Variants in TEX14 observed in about 807,000 individuals in gnomAD.
TEX14 encodes the protein testis expressed 14, intercellular bridge forming factor.
In TEX14, 168 loss-of-function variants were observed where a neutral mutation model predicts 178.6. The ratio of observed to expected loss-of-function variants is 0.94; its 90% CI spans 0.83 to 1.07. The LOEUF is 1.07. TEX14 is among the 50% of genes least tolerant of loss of function. TEX14 has a pLI of 0.00. For missense variants in TEX14, 1,730 were observed against 1,753.6 expected, an observed-to-expected ratio of 0.99 and a Z score of 0.24; for synonymous variants, 626 against 634.1, an observed-to-expected ratio of 0.99 and a Z score of 0.19.
intron 5 of TEX14, among the ~76,000 whole-genome samples, chr17:58,618,388 G>C (rs1321706937): frequency 6.6e-6 from 1 of 152,224 alleles, no homozygotes; most frequent in Non-Finnish European, 1.5e-5. Flanking sequence ...GCAGTGACCA[G>C]ACACTGATGT....
At chr17:58,575,343 T>C (rs1232656400) in intron 21 of TEX14, among the ~76,000 whole-genome samples, 1 of 152,132 alleles carries the variant, frequency 6.6e-6, no homozygotes, top group Non-Finnish European at 1.5e-5. Flanking sequence ...CTCAAACTCC[T>C]GACCTCAGGT....
intron 21 of TEX14, 41 bp from the exon 22 acceptor site, chr17:58,574,290 G>A (rs78797038): frequency 6.7e-7 from 1 of 1,490,514 alleles, no homozygotes; most frequent in African/African-American, 1.4e-5. Flanking sequence ...AATCCCCTCT[G>A]TGAACAAAGT....
chr17:58,605,805 G>C (rs2045593531), intron 10 of TEX14, among the ~76,000 whole-genome samples: 1 of 152,166 alleles, frequency 6.6e-6, no homozygotes, highest in African/African-American at 2.4e-5. Context: ...AAGTAGTCCT[G>C]TTTTATTGGT....
Position 58,606,652 on chromosome 17 carries a change from T to G in TEX14, c.1185-1523A>C, listed in dbSNP as rs376193202. The stretch of plus-strand genomic sequence containing the variant: ...ACAAATTTAATACATAATTATATAT[T>G]GAACCCAGGAGGCAGAGGTTGCAGT... On this transcript the variant is annotated intron_variant, in intron 10 of 31. Coordinates refer to ENST00000349033, the MANE Select transcript of TEX14 (RefSeq NM_031272.5). Among the ~76,000 whole-genome samples the G allele has an allele frequency of 3.4e-4, 51 of 152,002 alleles. 1 individual carries two copies. In the East Asian group the frequency reaches 9.7e-3, roughly 29 times the overall value.
intron 13 of TEX14, among the ~76,000 whole-genome samples, chr17:58,601,112 G>A (rs2045425834): frequency 6.6e-6 from 1 of 152,044 alleles, no homozygotes; most frequent in South Asian, 2.1e-4. Flanking sequence ...TAGGCCAGGT[G>A]TGGTGGCTCA....
chr17:58,571,442 T>C (rs1431780844), intron 24 of TEX14, among the ~76,000 whole-genome samples: 3 of 151,968 alleles, frequency 2.0e-5, no homozygotes, highest in Admixed American at 2.0e-4. Context: ...TTCGTCATGC[T>C]GCCCAGGCTG....
chr17:58,556,843 C>G lies in TEX14; in HGVS notation c.*168G>C. 3.4e-6 allele frequency: 2 copies of G among 591,240 alleles called. No individual in the cohort carries two copies. The highest frequency in any genetic ancestry group is 6.1e-6 in the Non-Finnish European group (2 of 326,914). 36.6% of individuals were successfully genotyped at this position (591,240 alleles called of 1,614,324 possible). ...TGAAAACAAATGGTTGAATGTGCTG[C>G]TAACAGAGAGGGCCAAACGATGATG... is the stretch of plus-strand genomic sequence containing the variant. On this transcript the variant is annotated 3_prime_UTR_variant, in exon 32 of 32. Coordinates refer to ENST00000349033, the MANE Select transcript of TEX14 (RefSeq NM_031272.5).
chr17:58,643,347 G>T (rs1443207732), intron 2 of TEX14, among the ~76,000 whole-genome samples: 1 of 152,136 alleles, frequency 6.6e-6, no homozygotes, highest in East Asian at 1.9e-4. Context: ...GCTTCTACTT[G>T]ACATTGCATT....
chr17:58,635,622 G>T (rs941744615), intron 2 of TEX14, among the ~76,000 whole-genome samples: 2 of 151,964 alleles, frequency 1.3e-5, no homozygotes, highest in Non-Finnish European at 2.9e-5. Flanking sequence ...TAGATACAGG[G>T]TTTCACCATG....
intron 1 of TEX14, among the ~76,000 whole-genome samples, chr17:58,663,836 C>A (rs527413899): frequency 1.3e-5 from 2 of 152,264 alleles, no homozygotes; most frequent in East Asian, 1.9e-4. Context: ...ACACACTGGC[C>A]CTGAAGCTGC....
At chr17:58,652,562 C>T (rs757795206) in intron 1 of TEX14, among the ~76,000 whole-genome samples, 24 of 152,150 alleles carry the variant, frequency 1.6e-4, no homozygotes, top group Non-Finnish European at 1.9e-4. Context: ...GAGTCAATTA[C>T]ACCTCTTTCC....
intron 2 of TEX14, among the ~76,000 whole-genome samples, chr17:58,647,489 G>A (rs560956737): frequency 2.5e-4 from 38 of 151,174 alleles, no homozygotes; most frequent in African/African-American, 7.0e-4. Context: ...CTGAGATCGC[G>A]TCACTGCACT....
intron 1 of TEX14, chr17:58,660,898 T>C: frequency 1.2e-6 from 1 of 824,866 alleles, no homozygotes; most frequent in Non-Finnish European, 2.2e-6. Flanking sequence ...TCTGGTGACA[T>C]GAGTTAGAAG....
In TEX14 at chr17:58,570,451, G is replaced by A. The variant is rs2144357549; in HGVS notation, c.3751C>T (p.Pro1251Ser). Residue 1251 changes from proline to serine, a missense_variant, in exon 25 of 32, where the codon CCC becomes TCC. Around this residue, in one of 2 missense-constraint regions of TEX14, gnomAD observed 941 missense variants for 1,072.4 expected, o/e 0.88. Coordinates refer to ENST00000349033, the MANE Select transcript of TEX14 (RefSeq NM_031272.5). ...RLSSFIGAGS[P>S]SLVKACDSSP... ...GAGTCACATGCCTTAACAAGGCTGG[G>A]GGATCCAGCCCCAATAAATGAAGAC... 6.6e-7 allele frequency: 1 copy of A among 1,523,860 alleles called. No homozygotes were observed. Among genetic ancestry groups the A allele is most frequent in the Non-Finnish European group, 8.7e-7 (1 of 1,148,418 alleles). 94.4% of individuals were successfully genotyped at this position (1,523,860 alleles called of 1,614,324 possible).
chr17:58,622,221 C>T (rs1040566654), intron 4 of TEX14, among the ~76,000 whole-genome samples: 2 of 152,084 alleles, frequency 1.3e-5, no homozygotes, highest in Non-Finnish European at 1.5e-5. Flanking sequence ...CCAAGGTGGG[C>T]GAATCACCTG....
intron 1 of TEX14, among the ~76,000 whole-genome samples, chr17:58,658,830 A>C (rs2047024035): frequency 6.6e-6 from 1 of 151,994 alleles, no homozygotes; most frequent in Admixed American, 6.6e-5. Flanking sequence ...TCATTGAGAT[A>C]GGGTCTCTAT....
At chr17:58,572,779 GAAGT>G (rs1269288432) in intron 23 of TEX14, among the ~76,000 whole-genome samples, 1 of 152,088 alleles carries the variant, frequency 6.6e-6, no homozygotes, top group Non-Finnish European at 1.5e-5. Context: ...AAATATATTG[GAAGT>G]AAGGCCACTA....
In TEX14 at chr17:58,577,471, T is replaced by G; in HGVS notation, c.3239-15A>C. On this transcript the variant is annotated splice_polypyrimidine_tract_variant and intron_variant, in intron 20 of 31. Transcript: ENST00000349033. ...CTTTTCCTCACCTGAAAGAATAAAG[T>G]TAAAAATATATATATATATTTTTTT... The G allele has an allele frequency of 9.2e-7, 1 of 1,091,054 alleles. No individual in the cohort carries two copies. The highest frequency in any genetic ancestry group is 1.3e-6 in the Non-Finnish European group (1 of 789,528). The allele number at this position is 1,091,054 out of a possible 1,614,324, so 67.6% of individuals were successfully genotyped here.
intron 2 of TEX14, among the ~76,000 whole-genome samples, chr17:58,649,802 C>T (rs918281870): frequency 1.0e-4 from 15 of 150,114 alleles, no homozygotes; most frequent in African/African-American, 2.9e-4. Flanking sequence ...TGCAGTGGCG[C>T]GATCTCAGCT....
Sources: allele counts gnomAD v4.1 joint callset (sites outside exome capture counted in the v4.1 genomes callset), GRCh38; gene constraint gnomAD v4.1.1; regional missense constraint gnomAD v4.1.1; transcripts MANE v1.5; gene names NCBI Gene and HGNC (gene_info 2026-07-23, HGNC 2026-07-21).